NOVA1: variants seen among roughly 807,000 people sequenced by gnomAD.
The protein encoded by NOVA1 is RNA-binding protein Nova-1.
A neutral mutation model predicts 38.0 loss-of-function variants in NOVA1; 7 were observed. The observed-to-expected ratio is 0.18, with a 90% CI of 0.10 to 0.35. NOVA1 has a LOEUF of 0.35. Ranked by LOEUF, NOVA1 falls within the 10% of genes least tolerant of loss-of-function variation. The pLI is 1.00. For missense variants in NOVA1, 460 were observed against 616.0 expected, an observed-to-expected ratio of 0.75 and a Z score of 2.68; for synonymous variants, 270 against 232.5, an observed-to-expected ratio of 1.16 and a Z score of -1.47.
intron 2 of NOVA1, 54 bp from the exon 3 acceptor site, chr14:26,480,197 A>G: frequency 6.6e-7 from 1 of 1,504,174 alleles, no homozygotes; most frequent in Non-Finnish European, 9.0e-7. Context: ...CATTAAAAAA[A>G]TTATGAAAAA....
chr14:26,580,601 C>A (rs1893150649), intron 2 of NOVA1, among the ~76,000 whole-genome samples: 1 of 151,964 alleles, frequency 6.6e-6, no homozygotes, highest in Non-Finnish European at 1.5e-5. Context: ...GCTCCATAAA[C>A]CCATTAATCA....
chr14:26,479,936 GC>G, intron 3 of NOVA1, 40 bp downstream of exon 3: 1 of 1,601,482 alleles, frequency 6.2e-7, no homozygotes, highest in Non-Finnish European at 8.5e-7. Context: ...CTTATACTAT[GC>G]TGTGGATATT....
At chr14:26,490,370 G>C (rs367922187) in intron 2 of NOVA1, among the ~76,000 whole-genome samples, 3 of 152,262 alleles carry the variant, frequency 2.0e-5, no homozygotes, top group South Asian at 2.1e-4. Flanking sequence ...ACAAACCTAG[G>C]AGTGGAATTG....
intron 2 of NOVA1, among the ~76,000 whole-genome samples, chr14:26,507,999 T>G (rs1023803699): frequency 7.9e-5 from 12 of 152,132 alleles, no homozygotes; most frequent in African/African-American, 1.9e-4. Flanking sequence ...AAGCAAAAGC[T>G]TCTAGTAAAA....
intron 2 of NOVA1, among the ~76,000 whole-genome samples, chr14:26,485,559 T>G (rs1295980266): frequency 6.6e-6 from 1 of 151,964 alleles, no homozygotes; most frequent in South Asian, 2.1e-4. Context: ...GGGAGAAAAA[T>G]ATTTTTTGTT....
intron 2 of NOVA1, among the ~76,000 whole-genome samples, chr14:26,576,524 CAAAT>C (rs1892854000): frequency 6.6e-6 from 1 of 151,682 alleles, no homozygotes; most frequent in Admixed American, 6.6e-5. Context: ...GTATAATCCT[CAAAT>C]AGATGAATTA....
intron 2 of NOVA1, among the ~76,000 whole-genome samples, chr14:26,539,994 TA>T: frequency 6.6e-6 from 1 of 152,162 alleles, no homozygotes; most frequent in Admixed American, 6.5e-5. Context: ...ACCCTCAGAA[TA>T]GTAGTTGGGT....
At chr14:26,449,271 T>C (rs1224315658) in intron 4 of NOVA1, among the ~76,000 whole-genome samples, 1 of 152,164 alleles carries the variant, frequency 6.6e-6, no homozygotes, top group East Asian at 1.9e-4. Flanking sequence ...ATCATAACTA[T>C]ACACCAAAGG....
intron 2 of NOVA1, among the ~76,000 whole-genome samples, chr14:26,539,591 CAT>C (rs139476273): frequency 0.034 from 5,100 of 151,674 alleles, 152 homozygotes; most frequent in Non-Finnish European, 0.047. Context: ...GATATATACA[CAT>C]AGATACTAAA....
chr14:26,513,684 T>C (rs1408942308), intron 2 of NOVA1, among the ~76,000 whole-genome samples: 2 of 149,922 alleles, frequency 1.3e-5, no homozygotes, highest in African/African-American at 5.0e-5. Context: ...GTAAATTTTA[T>C]TTAATAAAAA....
chr14:26,490,184 T>C (rs563569848), intron 2 of NOVA1, among the ~76,000 whole-genome samples: 3 of 152,346 alleles, frequency 2.0e-5, no homozygotes, highest in African/African-American at 7.2e-5. Context: ...ATCTCAAAAA[T>C]TCATTCCCTT....
At chr14:26,480,638 G>A (rs1885384808) in intron 2 of NOVA1, among the ~76,000 whole-genome samples, 1 of 151,748 alleles carries the variant, frequency 6.6e-6, no homozygotes, top group African/African-American at 2.4e-5. Flanking sequence ...TTTAATCATA[G>A]CAACACTTGT....
intron 2 of NOVA1, among the ~76,000 whole-genome samples, chr14:26,495,757 T>C (rs1041773012): frequency 3.4e-5 from 5 of 148,546 alleles, no homozygotes; most frequent in South Asian, 2.2e-4. Context: ...TTTGGTTTTT[T>C]GTTCTTGTGA....
intron 4 of NOVA1, among the ~76,000 whole-genome samples, chr14:26,462,074 A>AT (rs543942828): frequency 1.7e-4 from 26 of 150,232 alleles, no homozygotes; most frequent in Admixed American, 5.3e-4. Context: ...TGACAAAAAG[A>AT]TTTTTTTTTT....
chr14:26,529,185 T>A (rs1483924327), intron 2 of NOVA1, among the ~76,000 whole-genome samples: 1 of 152,008 alleles, frequency 6.6e-6, no homozygotes, highest in Non-Finnish European at 1.5e-5. Context: ...TCACCCAGGC[T>A]GGAGTGCAGT....
At chr14:26,452,810 A>G (rs979633218) in intron 4 of NOVA1, among the ~76,000 whole-genome samples, 7 of 152,204 alleles carry the variant, frequency 4.6e-5, no homozygotes, top group Admixed American at 1.3e-4. Context: ...TCATTTATAA[A>G]CGCTTACTGA....
chr14:26,448,155 G>A lies in NOVA1; in HGVS notation c.1328C>T (p.Thr443Ile). 1 of 1,614,156 alleles carries A rather than the reference G, an allele frequency of 6.2e-7. No individual in the cohort carries two copies. Among genetic ancestry groups the A allele is most frequent in the African/African-American group, 1.3e-5 (1 of 75,034 alleles). ...VGAILGKGGK[T>I]LVEYQELTGA... ...AGTCAACTCCTGGTATTCCACTAAT[G>A]TTTTCCCTCCTTTGCCAAGTATTGC... Residue 443 changes from threonine (T) to isoleucine (I), a missense_variant, in exon 5 of 5, where the codon ACA (threonine) becomes ATA (isoleucine). Coordinates refer to ENST00000539517, the MANE Select transcript of NOVA1 (RefSeq NM_002515.3). This position sits in a 1 kb window ranked among gnomAD's most constrained non-coding sequence, Gnocchi z 5.3.
chr14:26,536,719 A>G (rs1002791109), intron 2 of NOVA1, among the ~76,000 whole-genome samples: 2 of 152,146 alleles, frequency 1.3e-5, no homozygotes, highest in Non-Finnish European at 2.9e-5. Context: ...GCAAAAACAC[A>G]AAATGGAAAA....
intron 2 of NOVA1, among the ~76,000 whole-genome samples, chr14:26,563,203 AG>A (rs2138689691): frequency 6.6e-6 from 1 of 152,074 alleles, no homozygotes; most frequent in South Asian, 2.1e-4. Flanking sequence ...GAAGGAAGGA[AG>A]GAAGGAAACT....
Sources: allele counts gnomAD v4.1 joint callset (sites outside exome capture counted in the v4.1 genomes callset), GRCh38; gene constraint gnomAD v4.1.1; non-coding constraint Gnocchi (gnomAD v3.1); transcripts MANE v1.5; gene names NCBI Gene and HGNC (gene_info 2026-07-23, HGNC 2026-07-21).